Variants in CCSER1 observed in about 807,000 individuals in gnomAD.
CCSER1 encodes serine-rich coiled-coil domain-containing protein 1.
In CCSER1, 41 loss-of-function variants were observed where a neutral mutation model predicts 82.0. The observed-to-expected ratio is 0.50, with a 90% CI of 0.39 to 0.65. CCSER1 has a LOEUF of 0.65. Ranked by LOEUF, CCSER1 falls within the 30% of genes least tolerant of loss-of-function variation. The pLI is 0.00. For synonymous variants in CCSER1, 414 were observed against 383.9 expected (o/e 1.08, Z -0.92); for missense variants, 1,119 against 1,064.2 (o/e 1.05, Z -0.72).
At chr4:91,277,904 T>C (rs1442165200) in intron 10 of CCSER1, among the ~76,000 whole-genome samples, 1 of 152,020 alleles carries the variant, frequency 6.6e-6, no homozygotes, top group East Asian at 1.9e-4. Flanking sequence ...TTTCAATAAA[T>C]TATTTTATTT....
chr4:90,782,214 G>A (rs1753869626), intron 7 of CCSER1, among the ~76,000 whole-genome samples: 1 of 151,900 alleles, frequency 6.6e-6, no homozygotes, highest in Non-Finnish European at 1.5e-5. Context: ...TATATTTGTG[G>A]GCAAAAAATA....
intron 7 of CCSER1, among the ~76,000 whole-genome samples, chr4:90,749,743 A>G (rs1748241804): frequency 6.6e-6 from 1 of 152,062 alleles, no homozygotes; most frequent in Non-Finnish European, 1.5e-5. Context: ...ATAGTGCCAC[A>G]GTAAACATAC....
intron 4 of CCSER1, among the ~76,000 whole-genome samples, chr4:90,434,358 G>A (rs1165556603): frequency 1.3e-5 from 2 of 151,942 alleles, no homozygotes; most frequent in African/African-American, 2.4e-5. Context: ...TTTTAAAATG[G>A]CAAGCTGAAT....
chr4:90,893,997 TA>T (rs1157025678), intron 8 of CCSER1, among the ~76,000 whole-genome samples: 8 of 151,898 alleles, frequency 5.3e-5, no homozygotes, highest in African/African-American at 7.2e-5. Flanking sequence ...TAACTTACAA[TA>T]AAAAAAGTTA....
chr4:91,065,959 T>C (rs1361291547), intron 9 of CCSER1, among the ~76,000 whole-genome samples: 2 of 152,196 alleles, frequency 1.3e-5, no homozygotes, highest in African/African-American at 4.8e-5. Context: ...TCTATAAAAA[T>C]GAAATTATAT....
At position 91,598,724 on chromosome 4, in the gene CCSER1, A is replaced by G. The variant is rs1764698727; in HGVS notation, c.2370A>G (p.Leu790=). 1 of 1,551,598 alleles carries G rather than the reference A, an allele frequency of 6.4e-7. No homozygotes were observed. Among genetic ancestry groups the G allele is most frequent in the Non-Finnish European group, 8.7e-7 (1 of 1,146,940 alleles). Residue 790 remains leucine, a synonymous_variant, in exon 11 of 11, where the codon TTA becomes TTG. Transcript: ENST00000509176. The part of the protein sequence containing the change: ...NKTCQLPSLC[L]SNFLKDKELA... ...CCTGTCAACTCCCAAGTCTCTGTTT[A>G]AGTAATTTCCTGAAGGACAAGGAAC...
chr4:90,855,388 C>T (rs1764344887), intron 8 of CCSER1, among the ~76,000 whole-genome samples: 1 of 151,996 alleles, frequency 6.6e-6, no homozygotes, highest in African/African-American at 2.4e-5. Flanking sequence ...TGGAATAAGT[C>T]TAGCTTTGGA....
chr4:91,438,049 G>A (rs1754796779), intron 10 of CCSER1, among the ~76,000 whole-genome samples: 1 of 152,300 alleles, frequency 6.6e-6, no homozygotes, highest in Non-Finnish European at 1.5e-5. Context: ...ACCTCTGGGG[G>A]CAGGGCACAG....
chr4:91,089,473 C>T (rs1723721536), intron 10 of CCSER1, among the ~76,000 whole-genome samples: 1 of 152,166 alleles, frequency 6.6e-6, no homozygotes, highest in Admixed American at 6.5e-5. Flanking sequence ...GGGGGGATCT[C>T]TTTCTCTCTT....
At chr4:90,807,530 G>A (rs1359953602) in intron 7 of CCSER1, among the ~76,000 whole-genome samples, 1 of 152,024 alleles carries the variant, frequency 6.6e-6, no homozygotes, top group Non-Finnish European at 1.5e-5. Flanking sequence ...AAGGTAGGAA[G>A]TTTGAGGCCA....
intron 1 of CCSER1, among the ~76,000 whole-genome samples, chr4:90,141,063 T>TCTATC: frequency 6.6e-6 from 1 of 151,482 alleles, no homozygotes; most frequent in East Asian, 1.9e-4. Context: ...TATCTATCTA[T>TCTATC]TGTCTGTCTA....
rs368239394 is a variant in CCSER1 at position 90,613,612 on chromosome 4, T to C, written c.1725-14413T>C. Among the ~76,000 whole-genome samples the C allele has an allele frequency of 2.6e-5, 4 of 152,172 alleles. No individual in the cohort carries two copies. The East Asian group carries it at 7.7e-4, about 29-fold the overall frequency. On this transcript the variant is annotated intron_variant, in intron 5 of 10. Coordinates refer to ENST00000509176, the MANE Select transcript of CCSER1 (RefSeq NM_001145065.2). ...TTTCCAGAAGGTTTTCAGTTTACTTTGCCTAAATTCATCAGAAGAATCACT... is the reference window on the plus strand; with the variant it reads ...TTTCCAGAAGGTTTTCAGTTTACTTCGCCTAAATTCATCAGAAGAATCACT...
chr4:91,418,109 C>A (rs1401120418), intron 10 of CCSER1, among the ~76,000 whole-genome samples: 1 of 151,666 alleles, frequency 6.6e-6, no homozygotes, highest in Non-Finnish European at 1.5e-5. Flanking sequence ...AAGCTGTGAC[C>A]AATGCCTACA....
At chr4:90,711,734 T>C (rs143215430) in intron 6 of CCSER1, among the ~76,000 whole-genome samples, 92 of 151,784 alleles carry the variant, frequency 6.1e-4, no homozygotes, top group African/African-American at 2.0e-3. Context: ...TTTTTTTTTT[T>C]GTCAGTATTT....
In CCSER1 at chr4:91,012,434, C is replaced by T. The variant is rs947883009; in HGVS notation, c.2173-73516C>T. ...ACTGGGAAGGGCATAAAGAGGGGCT[C>T]CACAAAGGAATCATTTTTGCAAGAG... On this transcript the variant is annotated intron_variant, in intron 9 of 10. Transcript: ENST00000509176. Among the ~76,000 whole-genome samples the T allele has an allele frequency of 9.6e-5, 9 of 94,148 alleles. 2 individuals are homozygous for T. The highest frequency in any genetic ancestry group is 2.3e-4 in the Non-Finnish European group (8 of 35,240). 61.8% of individuals were successfully genotyped at this position (94,148 alleles called of 152,430 possible).
intron 1 of CCSER1, among the ~76,000 whole-genome samples, chr4:90,277,655 T>C (rs1039526965): frequency 2.0e-5 from 3 of 152,134 alleles, no homozygotes; most frequent in African/African-American, 7.2e-5. Context: ...GATCCCTACC[T>C]ATCACCATAT....
chr4:91,081,421 TAAG>T (rs1722727956), intron 9 of CCSER1, among the ~76,000 whole-genome samples: 1 of 152,034 alleles, frequency 6.6e-6, no homozygotes. Context: ...CTCAAAATAA[TAAG>T]AGCTATTTAT....
At chr4:90,783,314 A>G (rs968050634) in intron 7 of CCSER1, among the ~76,000 whole-genome samples, 10 of 152,156 alleles carry the variant, frequency 6.6e-5, no homozygotes, top group Admixed American at 2.6e-4. Context: ...ACTAACTGCT[A>G]CTCCCAAATC....
At chr4:90,626,235 CA>C (rs1259193068) in intron 5 of CCSER1, among the ~76,000 whole-genome samples, 1 of 152,062 alleles carries the variant, frequency 6.6e-6, no homozygotes, top group African/African-American at 2.4e-5. Flanking sequence ...TATTCAATTT[CA>C]ATTATACAAC....
Sources: allele counts gnomAD v4.1 joint callset (sites outside exome capture counted in the v4.1 genomes callset), GRCh38; gene constraint gnomAD v4.1.1; transcripts MANE v1.5; gene names NCBI Gene and HGNC (gene_info 2026-07-23, HGNC 2026-07-21).